The following TSPAN9 variants were observed in gnomAD, a reference collection of about 807,000 sequenced individuals.
TSPAN9 encodes tetraspanin 9.
A neutral mutation model predicts 31.0 loss-of-function variants in TSPAN9; 16 were observed. That is an observed-to-expected ratio of 0.52 (90% confidence interval 0.35 to 0.78). The LOEUF is 0.78. Ranked by LOEUF, TSPAN9 falls within the 30% of genes least tolerant of loss-of-function variation. TSPAN9 has a pLI of 0.01. For synonymous variants in TSPAN9, 145 were observed against 121.6 expected (o/e 1.19, Z -1.27); for missense variants, 272 against 312.5 (o/e 0.87, Z 0.98).
intron 2 of TSPAN9, among the ~76,000 whole-genome samples, chr12:3,132,342 C>T (rs1387792601): frequency 6.6e-6 from 1 of 152,130 alleles, no homozygotes; most frequent in African/African-American, 2.4e-5. Flanking sequence ...TGAGGAACAG[C>T]CAAACTGTTT....
chr12:3,233,976 C>T (rs1040985421), intron 3 of TSPAN9, among the ~76,000 whole-genome samples: 2 of 152,200 alleles, frequency 1.3e-5, no homozygotes, highest in African/African-American at 4.8e-5. Context: ...TCGGAGCCCC[C>T]ACAGGCTGCA....
intron 2 of TSPAN9, among the ~76,000 whole-genome samples, chr12:3,176,022 G>C (rs2098355345): frequency 6.6e-6 from 1 of 152,196 alleles, no homozygotes; most frequent in Non-Finnish European, 1.5e-5. Context: ...AGGGTCTGAA[G>C]AGCCACGGGA....
chr12:3,281,867 C>T (rs1328725817), intron 8 of TSPAN9, 50 bp downstream of exon 8: 2 of 1,589,402 alleles, frequency 1.3e-6, no homozygotes. Context: ...GCCTCAGCCT[C>T]AGAGGGAAGG....
intron 3 of TSPAN9, among the ~76,000 whole-genome samples, chr12:3,266,732 C>T (rs547064581): frequency 2.6e-5 from 4 of 152,294 alleles, no homozygotes; most frequent in East Asian, 1.9e-4. Context: ...TGAGCCATCC[C>T]GTGTCCCCCA....
At chr12:3,202,305 C>G (rs1160351496) in intron 3 of TSPAN9, among the ~76,000 whole-genome samples, 3 of 152,170 alleles carry the variant, frequency 2.0e-5, no homozygotes, top group Admixed American at 2.0e-4. Context: ...GCCCACTGCC[C>G]GTGGTCCAGG....
intron 2 of TSPAN9, among the ~76,000 whole-genome samples, chr12:3,185,073 G>A (rs1162999151): frequency 6.6e-6 from 1 of 152,194 alleles, no homozygotes; most frequent in Non-Finnish European, 1.5e-5. Flanking sequence ...TAAGAGTAGT[G>A]AAGACTGTGT....
intron 2 of TSPAN9, among the ~76,000 whole-genome samples, chr12:3,155,289 C>T (rs1446512265): frequency 2.0e-5 from 3 of 152,136 alleles, no homozygotes. Context: ...GTGGGAGAGG[C>T]AGCTCACACA....
At chr12:3,214,657 T>C (rs111371625) in intron 3 of TSPAN9, among the ~76,000 whole-genome samples, 3 of 150,708 alleles carry the variant, frequency 2.0e-5, no homozygotes, top group African/African-American at 7.5e-5. Context: ...AGTCAGTTGA[T>C]TTGAACACGC....
In TSPAN9 at chr12:3,226,767, TATATATATATATA is replaced by T. The variant is rs1565622520; in HGVS notation, c.63+25512_63+25524del. Among the ~76,000 whole-genome samples, 8 of 3,284 alleles carry T rather than the reference TATATATATATATA, an allele frequency of 2.4e-3. 1 individual carries two copies. Among genetic ancestry groups the T allele is most frequent in the Non-Finnish European group, 7.2e-3 (7 of 968 alleles). 2.2% of individuals were successfully genotyped at this position (3,284 alleles called of 152,430 possible). Reference sequence around the variant, plus strand: ...GTGTATATATATATATATATATATATATATATATATATATATATATATATATATTTTTTTTTTT... The same window carrying T: ...GTGTATATATATATATATATATATATTATATATATATATATTTTTTTTTTT... On this transcript the variant is annotated intron_variant, in intron 3 of 8. Coordinates refer to ENST00000011898, the MANE Select transcript of TSPAN9 (RefSeq NM_006675.5).
At chr12:3,106,217 G>A (rs1381101134) in intron 2 of TSPAN9, among the ~76,000 whole-genome samples, 1 of 152,234 alleles carries the variant, frequency 6.6e-6, no homozygotes, top group Non-Finnish European at 1.5e-5. Flanking sequence ...TGTCAGAGAC[G>A]GGCACCAACA....
chr12:3,117,825 A>G (rs758652440), intron 2 of TSPAN9, among the ~76,000 whole-genome samples: 8 of 152,240 alleles, frequency 5.3e-5, no homozygotes, highest in Non-Finnish European at 1.0e-4. Flanking sequence ...CAGTTGTCCA[A>G]TCCCCTGAGC....
intron 3 of TSPAN9, among the ~76,000 whole-genome samples, chr12:3,243,367 G>A (rs1440449798): frequency 6.6e-6 from 1 of 152,108 alleles, no homozygotes; most frequent in Non-Finnish European, 1.5e-5. Context: ...AGGAGGCAGG[G>A]GCTCCTGTTT....
At position 3,187,216 on chromosome 12, in the gene TSPAN9, G is replaced by C. The variant is rs1348358609; in HGVS notation, c.-17-13961G>C. Among the ~76,000 whole-genome samples, 1 of 152,222 alleles carries C rather than the reference G, an allele frequency of 6.6e-6. No homozygotes were observed. Among genetic ancestry groups the C allele is most frequent in the Non-Finnish European group, 1.5e-5 (1 of 68,048 alleles). ...GTCAGAAAGAGCACAGGGGACACTG[G>C]ATGAGGGTGATGAAGGTTGGGGTTG... On this transcript the variant is annotated intron_variant, in intron 2 of 8. Coordinates refer to ENST00000011898, the MANE Select transcript of TSPAN9 (RefSeq NM_006675.5). The surrounding 1 kb of genome is among the most constrained non-coding windows in gnomAD (Gnocchi z 5.2).
intron 2 of TSPAN9, among the ~76,000 whole-genome samples, chr12:3,123,559 A>G (rs752668697): frequency 9.9e-5 from 15 of 151,756 alleles, no homozygotes; most frequent in Non-Finnish European, 2.1e-4. Flanking sequence ...AGACAGCTGT[A>G]TGATTCATTA....
intron 2 of TSPAN9, among the ~76,000 whole-genome samples, chr12:3,153,846 ATGTG>A (rs370813097): frequency 9.6e-6 from 1 of 103,902 alleles, no homozygotes; most frequent in Non-Finnish European, 2.0e-5. Flanking sequence ...TTATATATAT[ATGTG>A]TGTGTGTGTG....
At chr12:3,141,445 C>G (rs545229349) in intron 2 of TSPAN9, among the ~76,000 whole-genome samples, 1 of 152,312 alleles carries the variant, frequency 6.6e-6, no homozygotes, top group African/African-American at 2.4e-5. Flanking sequence ...TCTGCCAGCT[C>G]ACCTTCCTCC....
At chr12:3,121,533 C>CTT (rs59376087) in intron 2 of TSPAN9, among the ~76,000 whole-genome samples, 8,653 of 92,572 alleles carry the variant, frequency 0.093, 693 homozygotes, top group Non-Finnish European at 0.13. Context: ...CTAATTAAAA[C>CTT]TTTTTTTTTT....
At chr12:3,281,570 G>A (rs1040380809) in intron 7 of TSPAN9, among the ~76,000 whole-genome samples, 164 bp from the exon 8 acceptor site, 1 of 152,172 alleles carries the variant, frequency 6.6e-6, no homozygotes, top group Admixed American at 6.5e-5. Context: ...CTGGCCTTGC[G>A]GGTGGGGCGG....
intron 2 of TSPAN9, among the ~76,000 whole-genome samples, chr12:3,180,082 C>G (rs900695053): frequency 6.6e-6 from 1 of 152,190 alleles, no homozygotes; most frequent in Admixed American, 6.5e-5. Context: ...ATTCGTGTCA[C>G]CATTAAAGAC....
Sources: gnomAD v4.1 joint callset for allele counts (sites outside exome capture counted in the v4.1 genomes callset) on GRCh38, gnomAD v4.1.1 for gene constraint, Gnocchi (gnomAD v3.1) non-coding constraint, MANE v1.5 for transcripts, NCBI Gene and HGNC (gene_info 2026-07-23, HGNC 2026-07-21) for gene names.